The following STX18 variants were observed in gnomAD, a reference collection of about 807,000 sequenced individuals.
STX18 encodes the protein syntaxin-18.
In STX18, 40 loss-of-function variants were observed where a neutral mutation model predicts 50.1. The ratio of observed to expected loss-of-function variants is 0.80; its 90% confidence interval spans 0.62 to 1.04. The LOEUF is 1.04. Ranked by LOEUF, STX18 falls within the 50% of genes least tolerant of loss-of-function variation. STX18 has a pLI of 0.00. For synonymous variants in STX18, 158 were observed against 151.8 expected (o/e 1.04, Z -0.30); for missense variants, 410 against 415.8 (o/e 0.99, Z 0.12).
intron 1 of STX18, among the ~76,000 whole-genome samples, chr4:4,479,561 T>C (rs926051173): frequency 6.6e-6 from 1 of 152,162 alleles, no homozygotes; most frequent in African/African-American, 2.4e-5. Flanking sequence ...GGCTAATACT[T>C]AACCAAACAA....
At chr4:4,537,410 T>C (rs905674174) in intron 1 of STX18, among the ~76,000 whole-genome samples, 1 of 152,156 alleles carries the variant, frequency 6.6e-6, no homozygotes, top group Non-Finnish European at 1.5e-5. Context: ...GGGGGCTACA[T>C]AGCATCCAAG....
At chr4:4,430,121 G>T (rs946873771) in intron 7 of STX18, among the ~76,000 whole-genome samples, 1 of 152,044 alleles carries the variant, frequency 6.6e-6, no homozygotes, top group Non-Finnish European at 1.5e-5. Context: ...AGTTATATAG[G>T]GAAATTTATT....
chr4:4,420,682 A>G lies in STX18; in HGVS notation c.912+182T>C. The G allele has an allele frequency of 1.7e-6, 1 of 595,174 alleles. No homozygotes were observed. The highest frequency in any genetic ancestry group is 1.9e-5 in the African/African-American group (1 of 53,388). 36.9% of individuals were successfully genotyped at this position (595,174 alleles called of 1,614,324 possible). ...GCCACTGCCTCTCGAAAGCAGCTGG[A>G]GGTGGGCGACAGGTGGTGGGTCTCA... On this transcript the variant is annotated intron_variant, in intron 10 of 10. Transcript: ENST00000306200. The surrounding 1 kb of genome is among the most constrained non-coding windows in gnomAD (Gnocchi z 4.3).
chr4:4,531,328 T>A (rs1314489329), intron 1 of STX18, among the ~76,000 whole-genome samples: 1 of 152,232 alleles, frequency 6.6e-6, no homozygotes, highest in Non-Finnish European at 1.5e-5. Flanking sequence ...ACACAATACG[T>A]GTTTCTATTT....
At chr4:4,460,846 C>T (rs757670298) in intron 2 of STX18, among the ~76,000 whole-genome samples, 1 of 152,158 alleles carries the variant, frequency 6.6e-6, no homozygotes, top group Non-Finnish European at 1.5e-5. Flanking sequence ...CAAGCTCGAT[C>T]CCCTCTCCCC....
At chr4:4,496,836 T>G (rs896234673) in intron 1 of STX18, among the ~76,000 whole-genome samples, 1 of 152,096 alleles carries the variant, frequency 6.6e-6, no homozygotes, top group African/African-American at 2.4e-5. Context: ...GCACTTAGGA[T>G]GCAAAAAAGA....
intron 1 of STX18, among the ~76,000 whole-genome samples, chr4:4,538,805 C>T (rs984862041): frequency 2.6e-5 from 4 of 152,146 alleles, no homozygotes; most frequent in Non-Finnish European, 5.9e-5. Context: ...CCAATCCCAT[C>T]ATCCTCACTA....
rs1199841888 is a variant in STX18, at chr4:4,420,993, C to T, written c.832-49G>A. 1 of 1,581,670 alleles carries T rather than the reference C, an allele frequency of 6.3e-7. No homozygotes were observed. The highest frequency in any genetic ancestry group is 8.7e-7 in the Non-Finnish European group (1 of 1,152,134). On this transcript the variant is annotated intron_variant, in intron 9 of 10. Transcript: ENST00000306200. This position sits in a 1 kb window ranked among gnomAD's most constrained non-coding sequence, Gnocchi z 4.3. ...AGTTGAGTATCCTTTATCCAAAAAC[C>T]TGAAACCCAAAATGCTCCAACGAGC... is the stretch of plus-strand genomic sequence containing the variant.
At chr4:4,510,093 T>C (rs1729928085) in intron 1 of STX18, among the ~76,000 whole-genome samples, 1 of 152,174 alleles carries the variant, frequency 6.6e-6, no homozygotes, top group Non-Finnish European at 1.5e-5. Context: ...TATTTAGAAC[T>C]AGGGGGCTGC....
chr4:4,425,310 A>G, intron 7 of STX18, 88 bp from the exon 8 acceptor site: 1 of 1,215,846 alleles, frequency 8.2e-7, no homozygotes, highest in Middle Eastern at 1.9e-4. Context: ...TCCAGGAATC[A>G]CTGCCGAAGC....
intron 1 of STX18, among the ~76,000 whole-genome samples, chr4:4,528,082 G>A (rs746421974): frequency 1.3e-5 from 2 of 152,012 alleles, no homozygotes; most frequent in Non-Finnish European, 2.9e-5. Flanking sequence ...AAAAATTCTA[G>A]AGCTGGTGGG....
At chr4:4,486,258 T>C (rs1728694528) in intron 1 of STX18, among the ~76,000 whole-genome samples, 1 of 152,192 alleles carries the variant, frequency 6.6e-6, no homozygotes, top group Non-Finnish European at 1.5e-5. Flanking sequence ...ATTCTAAGGC[T>C]CCAGGTACAT....
At chr4:4,541,311 G>A (rs1731581944) in intron 1 of STX18, among the ~76,000 whole-genome samples, 1 of 152,192 alleles carries the variant, frequency 6.6e-6, no homozygotes, top group Non-Finnish European at 1.5e-5. Flanking sequence ...GAGGAACTGA[G>A]TCCTACTTAT....
At chr4:4,454,457 A>G (rs1261497088) in intron 5 of STX18, among the ~76,000 whole-genome samples, 2 of 152,166 alleles carry the variant, frequency 1.3e-5, no homozygotes, top group Admixed American at 6.5e-5. Context: ...GGTACCTGTG[A>G]AGTCCACTTG....
chr4:4,452,059 C>T (rs933533351), intron 5 of STX18, among the ~76,000 whole-genome samples: 4 of 152,134 alleles, frequency 2.6e-5, no homozygotes, highest in South Asian at 4.1e-4. Flanking sequence ...GCCTTATTGC[C>T]GATGGGAGAA....
intron 1 of STX18, among the ~76,000 whole-genome samples, chr4:4,506,839 C>G (rs191002430): frequency 2.0e-5 from 3 of 152,306 alleles, no homozygotes; most frequent in Admixed American, 2.0e-4. Context: ...GTACTGTACT[C>G]ACCTTTCTTT....
At chr4:4,436,910 T>G (rs1337821770) in intron 6 of STX18, among the ~76,000 whole-genome samples, 1 of 151,924 alleles carries the variant, frequency 6.6e-6, no homozygotes, top group Non-Finnish European at 1.5e-5. Flanking sequence ...GTCTAGAACT[T>G]TCTAAGCTTT....
intron 1 of STX18, among the ~76,000 whole-genome samples, chr4:4,504,537 G>C (rs888221842): frequency 2.0e-5 from 3 of 152,152 alleles, no homozygotes; most frequent in Non-Finnish European, 2.9e-5. Flanking sequence ...AGTTAAATGG[G>C]AGACTAAGAG....
chr4:4,428,957 C>T (rs1440302034), intron 7 of STX18, among the ~76,000 whole-genome samples: 3 of 152,158 alleles, frequency 2.0e-5, no homozygotes, highest in African/African-American at 4.8e-5. Context: ...GGTTGCCAGC[C>T]GCTGCTCTGG....
Sources: gnomAD v4.1 joint callset for allele counts (sites outside exome capture counted in the v4.1 genomes callset) on GRCh38, gnomAD v4.1.1 for gene constraint, Gnocchi (gnomAD v3.1) non-coding constraint, MANE v1.5 for transcripts, NCBI Gene and HGNC (gene_info 2026-07-23, HGNC 2026-07-21) for gene names.